The following SLC25A22 variants were observed in gnomAD, a reference collection of about 807,000 sequenced individuals.
SLC25A22 encodes the protein mitochondrial glutamate carrier 1.
In SLC25A22, 23 loss-of-function variants were observed where a neutral mutation model predicts 33.7. The ratio of observed to expected loss-of-function variants is 0.68; its 90% CI spans 0.49 to 0.97. The LOEUF (loss-of-function observed/expected upper bound fraction) is 0.97, where lower values mean the gene tolerates loss of function less well. Ranked by LOEUF, SLC25A22 falls within the 50% of genes least tolerant of loss-of-function variation. SLC25A22 has a pLI of 0.00. For missense variants in SLC25A22, 390 were observed against 451.1 expected (o/e 0.86, Z 1.23); for synonymous variants, 245 against 203.8 (o/e 1.20, Z -1.72).
At position 793,502 on chromosome 11, in the gene SLC25A22, C is replaced by T. The variant is rs79478359; in HGVS notation, c.293+27G>A. ...CCTTTATCTGAAGCCAAAGACCCCTCGAGTGTCTGCCAGGCAGAACCCTCA... is the reference window on the plus strand; with the variant it reads ...CCTTTATCTGAAGCCAAAGACCCCTTGAGTGTCTGCCAGGCAGAACCCTCA... On this transcript the variant is annotated intron_variant, in intron 5 of 9. Transcript: ENST00000628067. 0.12 allele frequency: 190,663 copies of T among 1,609,650 alleles called. 12,283 individuals are homozygous for T. Among genetic ancestry groups the T allele is most frequent in the Non-Finnish European group, 0.14 (159,563 of 1,176,876 alleles).
At chr11:794,695 TG>T in intron 3 of SLC25A22, 80 bp downstream of exon 3, 1 of 1,548,508 alleles carries the variant, frequency 6.5e-7, no homozygotes, top group South Asian at 1.2e-5. Flanking sequence ...TCAAACAGGG[TG>T]GGGGGCACAG....
chr11:794,587 G>C, intron 3 of SLC25A22, 74 bp from the exon 4 acceptor site: 1 of 1,575,810 alleles, frequency 6.3e-7, no homozygotes. Context: ...GACTGTCTAG[G>C]GCTGATAGAA....
Position 797,424 on chromosome 11 carries a change from C to T in SLC25A22, c.-164+793G>A, listed in dbSNP as rs559987764. ...CCTGCACTGATGTTGCTATAGAAAC[C>T]CTGCAGCCCCAGCCGGGCCCCGGGC... On this transcript the variant is annotated intron_variant, in intron 1 of 9. Coordinates refer to ENST00000628067, the MANE Select transcript of SLC25A22 (RefSeq NM_001191061.2). The T allele has an allele frequency of 1.8e-5, 7 of 395,082 alleles. No individual in the cohort carries two copies. The East Asian group carries it at 2.5e-4, about 14-fold the overall frequency. The allele number at this position is 395,082 out of a possible 1,614,324, so 24.5% of individuals were successfully genotyped here. A position where few individuals can be genotyped will look rare whatever the true frequency, so the allele number is the denominator to read the frequency against.
At chr11:797,779 C>T (rs765463231) in intron 1 of SLC25A22, 10 of 398,548 alleles carry the variant, frequency 2.5e-5, no homozygotes, top group Non-Finnish European at 4.4e-5. Flanking sequence ...AAAGGAGAAG[C>T]GGGTTGGGGG....
intron 3 of SLC25A22, 109 bp from the exon 4 acceptor site, chr11:794,622 C>T (rs777031866): frequency 1.6e-5 from 24 of 1,528,576 alleles, no homozygotes; most frequent in African/African-American, 4.1e-5. Flanking sequence ...AGCCCAGCCC[C>T]GACCCCAGTC....
Position 795,076 on chromosome 11 carries a change from G to A in SLC25A22, c.-70C>T, listed in dbSNP as rs1484456267. The A allele has an allele frequency of 1.9e-6, 3 of 1,542,976 alleles. No individual in the cohort carries two copies. Among genetic ancestry groups the A allele is most frequent in the East Asian group, 2.4e-5 (1 of 41,004 alleles). On this transcript the variant is annotated 5_prime_UTR_variant, in exon 2 of 10. Coordinates refer to ENST00000628067, the MANE Select transcript of SLC25A22 (RefSeq NM_001191061.2). ...GGCCAGGCGGGGTGGAGGTGGAGGTGGAGGAGGCCTTGAGGGAGGGTGGGA... is the reference window on the plus strand; with the variant it reads ...GGCCAGGCGGGGTGGAGGTGGAGGTAGAGGAGGCCTTGAGGGAGGGTGGGA...
At chr11:795,213 C>T (rs1480025482) in intron 1 of SLC25A22, 44 bp from the exon 2 acceptor site, 9 of 690,700 alleles carry the variant, frequency 1.3e-5, no homozygotes, top group South Asian at 4.9e-5. Context: ...TGGGGCCACC[C>T]GAAGAGTAAT....
chr11:792,338 C>T lies in SLC25A22; in HGVS notation c.708G>A (p.Gly236=), dbSNP rs1246435430. ...GGTTGACGGCCACAGCGGCGGCACT[C>T]CCAGCCACACAGCCGGCCAGGAAGG... ...YVSFLAGCVA[G]SAAAVAVNPC... The change falls in exon 8 of 10, where the codon GGG becomes GGA. Residue 236 remains glycine (G), a synonymous_variant. Coordinates refer to ENST00000628067, the MANE Select transcript of SLC25A22 (RefSeq NM_001191061.2). 2 of 1,613,096 alleles carry T rather than the reference C, an allele frequency of 1.2e-6. No individual in the cohort carries two copies. The highest frequency in any genetic ancestry group is 1.7e-6 in the Non-Finnish European group (2 of 1,179,968).
intron 1 of SLC25A22, chr11:795,514 G>A (rs1047369043): frequency 1.9e-4 from 62 of 326,814 alleles, no homozygotes; most frequent in African/African-American, 8.8e-4. Flanking sequence ...GGTGCCTACC[G>A]GAGCACCTCG....
rs893255607 is a variant in SLC25A22 at position 790,512 on chromosome 11, G to A, written c.*1403C>T. On this transcript the variant is annotated 3_prime_UTR_variant, in exon 10 of 10. Transcript: ENST00000628067. ...ATTTATTTATTCTCTGACATGACAA[G>A]ACACAAAAAGTTACAACTTCTTAAA... 1.3e-5 allele frequency: 2 copies of A among 151,494 alleles called. No individual in the cohort carries two copies. The highest frequency in any genetic ancestry group is 4.9e-5 in the African/African-American group (2 of 41,098). 9.4% of individuals were successfully genotyped at this position (151,494 alleles called of 1,614,324 possible).
chr11:795,413 CGCTCACGCTCGGG>C (rs1337351074), intron 1 of SLC25A22: 3 of 360,046 alleles, frequency 8.3e-6, no homozygotes, highest in Non-Finnish European at 1.6e-5. Flanking sequence ...CCTCACACGC[CGCTCACGCTCGGG>C]GCTCACGTGC....
chr11:795,327 G>T, intron 1 of SLC25A22, 158 bp from the exon 2 acceptor site: 1 of 502,604 alleles, frequency 2.0e-6, no homozygotes, highest in Non-Finnish European at 3.6e-6. Flanking sequence ...CTGCCACCCA[G>T]TCCCATGCTC....
At chr11:794,078 C>T in intron 4 of SLC25A22, 2 of 517,478 alleles carry the variant, frequency 3.9e-6, no homozygotes, top group Middle Eastern at 3.2e-4. Flanking sequence ...GAGCTTCTGC[C>T]AAATCTAGGC....
intron 1 of SLC25A22, 160 bp from the exon 2 acceptor site, chr11:795,329 C>CCCAT (rs1460670460): frequency 9.8e-6 from 5 of 512,752 alleles, no homozygotes; most frequent in African/African-American, 2.0e-5. Context: ...GCCACCCAGT[C>CCCAT]CCATGCTCAC....
chr11:797,968 G>A (rs1372576462), intron 1 of SLC25A22: 1 of 398,426 alleles, frequency 2.5e-6, no homozygotes, highest in East Asian at 3.6e-5. Context: ...CTCGGGCCCC[G>A]GACACCCACC....
chr11:791,704 C>A lies in SLC25A22; in HGVS notation c.*211G>T. 1.6e-6 allele frequency: 1 copy of A among 638,510 alleles called. No homozygotes were observed. The highest frequency in any genetic ancestry group is 3.0e-5 in the Admixed American group (1 of 33,754). 39.6% of individuals were successfully genotyped at this position (638,510 alleles called of 1,614,324 possible). A position where few individuals can be genotyped will look rare whatever the true frequency, so the allele number is the denominator to read the frequency against. On this transcript the variant is annotated 3_prime_UTR_variant, in exon 10 of 10. Coordinates refer to ENST00000628067, the MANE Select transcript of SLC25A22 (RefSeq NM_001191061.2). ...AATGTAAAGATTTCTGCATTTTCTA[C>A]ATAAATGAGACATTGATCCCAACGG...
At position 792,176 on chromosome 11, in the gene SLC25A22, C is replaced by T. The variant is rs199612664; in HGVS notation, c.784G>A (p.Glu262Lys). Residue 262 changes from glutamate (E) to lysine (K), a missense_variant, in exon 9 of 10, where the codon GAG (glutamate) becomes AAG (lysine). Coordinates refer to ENST00000628067, the MANE Select transcript of SLC25A22 (RefSeq NM_001191061.2). ...TCCAGGATCCCAGAGTAGGTGTCCTCGTTGACGCCTCGCTGAAGTGACTGG... is the reference window on the plus strand; with the variant it reads ...TCCAGGATCCCAGAGTAGGTGTCCTTGTTGACGCCTCGCTGAAGTGACTGG... ...RLQSLQRGVN[E>K]DTYSGILDCA... 18 of 1,612,848 alleles carry T rather than the reference C, an allele frequency of 1.1e-5. No homozygotes were observed. The highest frequency in any genetic ancestry group is 1.6e-4 in the Middle Eastern group (1 of 6,062).
In SLC25A22 at chr11:791,898, T is replaced by G. The variant is rs554507285; in HGVS notation, c.*17A>C. 1.6e-3 allele frequency: 2,569 copies of G among 1,581,336 alleles called. 33 individuals carry two copies. In the South Asian group the frequency reaches 0.028, roughly 17 times the overall value. On this transcript the variant is annotated 3_prime_UTR_variant, in exon 10 of 10. Transcript: ENST00000628067. ...ACCGGCCCTGCCCAGCTGGCTGGGG[T>G]GGAGCGGGTGCTGGGCTCAGGCCTG... is the stretch of plus-strand genomic sequence containing the variant.
intron 6 of SLC25A22, 44 bp downstream of exon 6, chr11:792,826 C>G (rs1415103069): frequency 1.3e-6 from 2 of 1,567,384 alleles, no homozygotes; most frequent in Non-Finnish European, 1.7e-6. Flanking sequence ...GCCCTCACCT[C>G]TTCCCGCACC....
Sources: gnomAD v4.1 joint callset for allele counts on GRCh38, gnomAD v4.1.1 for gene constraint, MANE v1.5 for transcripts, NCBI Gene and HGNC (gene_info 2026-07-23, HGNC 2026-07-21) for gene names.